MTUS1: variants seen among roughly 807,000 people sequenced by gnomAD.
The protein encoded by MTUS1 is microtubule associated scaffold protein 1.
Under a neutral mutation model 120.8 loss-of-function variants are expected in MTUS1, and 109 were observed. That is an observed-to-expected ratio of 0.90 (90% CI 0.77 to 1.06). The LOEUF is 1.06. Ranked by LOEUF, MTUS1 falls within the 50% of genes least tolerant of loss-of-function variation. MTUS1 has a pLI of 0.00. For synonymous variants in MTUS1, 737 were observed against 550.5 expected, an observed-to-expected ratio of 1.34 and a Z score of -4.74; for missense variants, 2,210 against 1,486.3, an observed-to-expected ratio of 1.49 and a Z score of -8.01.
intron 1 of MTUS1, among the ~76,000 whole-genome samples, chr8:17,767,187 GTAAAA>G (rs2049581813): frequency 4.9e-5 from 1 of 20,316 alleles, no homozygotes; most frequent in African/African-American, 1.4e-4. Context: ...CATCCTCAGG[GTAAAA>G]AAAAAAAAAA....
intron 3 of MTUS1, among the ~76,000 whole-genome samples, chr8:17,743,214 A>T (rs932958508): frequency 8.6e-5 from 13 of 150,760 alleles, no homozygotes; most frequent in African/African-American, 2.4e-4. Flanking sequence ...CAGTAAAATT[A>T]AAAAAAAAAT....
At chr8:17,688,386 C>G (rs1563205258) in intron 6 of MTUS1, among the ~76,000 whole-genome samples, 1 of 152,182 alleles carries the variant, frequency 6.6e-6, no homozygotes, top group Non-Finnish European at 1.5e-5. Context: ...GTGCTCAGCT[C>G]TTCAACTCCA....
At chr8:17,797,241 TG>T (rs914373236) in intron 1 of MTUS1, among the ~76,000 whole-genome samples, 1 of 151,456 alleles carries the variant, frequency 6.6e-6, no homozygotes, top group African/African-American at 2.4e-5. Context: ...GGCAAAACCT[TG>T]TCTCTACAAA....
In MTUS1 at chr8:17,777,095, T is replaced by G. The variant is rs576094755; in HGVS notation, c.-154-21134A>C. Among the ~76,000 whole-genome samples, 112 of 152,164 alleles carry G rather than the reference T, an allele frequency of 7.4e-4. 3 individuals carry two copies. In the South Asian group the frequency reaches 0.011, roughly 15 times the overall value. ...GTGAATTAGCCCTCGTGCAGACACT[T>G]AAGTCTAACAGTATGCAATTTTCCC... On this transcript the variant is annotated intron_variant, in intron 1 of 14. Coordinates refer to ENST00000693296, the MANE Select transcript of MTUS1 (RefSeq NM_001363059.2).
At position 17,767,275 on chromosome 8, in the gene MTUS1, T is replaced by C. The variant is rs936253344; in HGVS notation, c.-154-11314A>G. Among the ~76,000 whole-genome samples, 42 of 151,736 alleles carry C rather than the reference T, an allele frequency of 2.8e-4. 1 individual carries two copies. Among genetic ancestry groups the C allele is most frequent in the African/African-American group, 1.0e-3 (42 of 41,308 alleles). ...ATAAACAGGAAAGTTTTATATTATGTGTCATTTCATTTCTAGACTGTTGAT... is the reference window on the plus strand; with the variant it reads ...ATAAACAGGAAAGTTTTATATTATGCGTCATTTCATTTCTAGACTGTTGAT... On this transcript the variant is annotated intron_variant, in intron 1 of 14. Coordinates refer to ENST00000693296, the MANE Select transcript of MTUS1 (RefSeq NM_001363059.2).
intron 6 of MTUS1, among the ~76,000 whole-genome samples, chr8:17,691,073 T>C (rs984896591): frequency 6.6e-6 from 1 of 152,242 alleles, no homozygotes; most frequent in African/African-American, 2.4e-5. Flanking sequence ...TTTACTTATA[T>C]ACAGCTTGCC....
Position 17,755,661 on chromosome 8 carries a change from G to T in MTUS1, c.147C>A (p.Ala49=), listed in dbSNP as rs565600551. Residue 49 remains alanine, a synonymous_variant, in exon 2 of 15, where the codon GCC becomes GCA. Transcript: ENST00000693296. ...SSASSVNWNS[A]NPDDMVVDYE... Reference sequence around the variant, plus strand: ...AATCAACCACCATGTCATCTGGGTTGGCAGAATTCCAGTTCACACTGCTGG... The same window carrying T: ...AATCAACCACCATGTCATCTGGGTTTGCAGAATTCCAGTTCACACTGCTGG... 74 of 1,614,192 alleles carry T rather than the reference G, an allele frequency of 4.6e-5. No homozygotes were observed. Among genetic ancestry groups the T allele is most frequent in the African/African-American group, 4.0e-4 (30 of 75,052 alleles).
chr8:17,682,514 T>A (rs1814771013), intron 7 of MTUS1, among the ~76,000 whole-genome samples: 2 of 58,152 alleles, frequency 3.4e-5, no homozygotes, highest in South Asian at 6.9e-4. Flanking sequence ...CAAGACTCCA[T>A]CCCAAAAAAA....
chr8:17,713,346 A>G (rs1200293357), intron 5 of MTUS1, 94 bp from the exon 6 acceptor site: 5 of 809,002 alleles, frequency 6.2e-6, no homozygotes, highest in East Asian at 2.6e-5. Flanking sequence ...TTCAAAAACA[A>G]TCAATCGCTA....
At chr8:17,740,145 T>C (rs937025566) in intron 3 of MTUS1, among the ~76,000 whole-genome samples, 3 of 151,796 alleles carry the variant, frequency 2.0e-5, no homozygotes, top group Non-Finnish European at 4.4e-5. Flanking sequence ...GAGGCGGAGG[T>C]TGCAGTGATC....
intron 6 of MTUS1, among the ~76,000 whole-genome samples, chr8:17,687,392 A>G (rs1272860910): frequency 6.6e-6 from 1 of 152,196 alleles, no homozygotes; most frequent in African/African-American, 2.4e-5. Flanking sequence ...CGTACTTCAC[A>G]GTACTGAAAA....
chr8:17,786,770 A>G (rs981341015), intron 1 of MTUS1, among the ~76,000 whole-genome samples: 1 of 152,154 alleles, frequency 6.6e-6, no homozygotes, highest in Non-Finnish European at 1.5e-5. Flanking sequence ...GCTGGGTTTC[A>G]TATGTGATAT....
At position 17,687,109 on chromosome 8, in the gene MTUS1, T is replaced by G. The variant is rs747604944; in HGVS notation, c.2624-2567A>C. On this transcript the variant is annotated intron_variant, in intron 6 of 14. Coordinates refer to ENST00000693296, the MANE Select transcript of MTUS1 (RefSeq NM_001363059.2). ...TTATGATTAAGGAGGAAAGAACACA[T>G]TGATGTATTCGTCTAAGAGTACGTG... Among the ~76,000 whole-genome samples, 3 of 152,252 alleles carry G rather than the reference T, an allele frequency of 2.0e-5. No homozygotes were observed. The South Asian group carries it at 6.2e-4, about 32-fold the overall frequency.
At chr8:17,676,519 T>C in intron 7 of MTUS1, 1 of 588,492 alleles carries the variant, frequency 1.7e-6, no homozygotes, top group East Asian at 2.8e-5. Flanking sequence ...TCACAGAAGC[T>C]GATACTGCAG....
At chr8:17,661,000 A>C (rs1044355694) in intron 8 of MTUS1, among the ~76,000 whole-genome samples, 21 of 152,310 alleles carry the variant, frequency 1.4e-4, no homozygotes, top group African/African-American at 4.6e-4. Flanking sequence ...TCTCCTTTAA[A>C]AGAATTTAGT....
Position 17,754,652 on chromosome 8 carries a change from A to T in MTUS1, c.1156T>A (p.Leu386Met). The T allele has an allele frequency of 6.2e-7, 1 of 1,614,210 alleles. No individual in the cohort carries two copies. The highest frequency in any genetic ancestry group is 1.6e-4 in the Middle Eastern group (1 of 6,062). ...TCTGAGGTATGATTTTGGGTTCCCA[A>T]ATCCTTTCCTTTGGAGACCATTTGT... ...DTQMVSKGKD[L>M]GTQNHTSELI... The change falls in exon 2 of 15, where the codon TTG becomes ATG. Residue 386 changes from leucine (L) to methionine (M), a missense_variant. Leu to Met is a conservative substitution (Grantham distance 15). Coordinates refer to ENST00000693296, the MANE Select transcript of MTUS1 (RefSeq NM_001363059.2).
chr8:17,767,567 G>A (rs1412957489), intron 1 of MTUS1, among the ~76,000 whole-genome samples: 3 of 151,394 alleles, frequency 2.0e-5, no homozygotes, highest in Non-Finnish European at 4.4e-5. Context: ...GCATGGGGGT[G>A]CACACCTATG....
At chr8:17,794,937 G>T (rs80230268) in intron 1 of MTUS1, among the ~76,000 whole-genome samples, 1 of 152,128 alleles carries the variant, frequency 6.6e-6, no homozygotes, top group East Asian at 1.9e-4. Context: ...TTTCAACTTC[G>T]TATCATTCAT....
intron 6 of MTUS1, among the ~76,000 whole-genome samples, chr8:17,700,223 T>C (rs902248017): frequency 1.3e-5 from 2 of 151,858 alleles, no homozygotes; most frequent in African/African-American, 4.8e-5. Flanking sequence ...ATCTCAGCAC[T>C]TTGGGAGGCC....
Sources: gnomAD v4.1 joint callset for allele counts (sites outside exome capture counted in the v4.1 genomes callset) on GRCh38, gnomAD v4.1.1 for gene constraint, MANE v1.5 for transcripts, NCBI Gene and HGNC (gene_info 2026-07-23, HGNC 2026-07-21) for gene names.